Variants in MARCHF1 observed in about 807,000 individuals in gnomAD.
MARCHF1 encodes the protein membrane associated ring-CH-type finger 1, also known as E3 ubiquitin-protein ligase MARCHF1.
A neutral mutation model predicts 54.2 loss-of-function variants in MARCHF1; 40 were observed. The ratio of observed to expected loss-of-function variants is 0.74; its 90% CI spans 0.57 to 0.96. The LOEUF (loss-of-function observed/expected upper bound fraction) is 0.96. MARCHF1 is among the 40% of genes least tolerant of loss of function. MARCHF1 has a pLI of 0.00. For synonymous variants in MARCHF1, 236 were observed against 236.3 expected (o/e 1.00, Z 0.01); for missense variants, 586 against 656.5 (o/e 0.89, Z 1.17).
chr4:163,970,834 T>G (rs2110837964), intron 3 of MARCHF1, among the ~76,000 whole-genome samples: 1 of 152,296 alleles, frequency 6.6e-6, no homozygotes, highest in South Asian at 2.1e-4. Context: ...CATACCAATA[T>G]ATGCTCCAAA....
At chr4:163,931,964 G>A (rs1252785912) in intron 3 of MARCHF1, among the ~76,000 whole-genome samples, 2 of 152,094 alleles carry the variant, frequency 1.3e-5, no homozygotes, top group Admixed American at 6.5e-5. Context: ...TAACAATAAA[G>A]CTAATATTGC....
At chr4:163,702,077 G>T (rs550162897) in intron 4 of MARCHF1, among the ~76,000 whole-genome samples, 4 of 152,162 alleles carry the variant, frequency 2.6e-5, no homozygotes, top group African/African-American at 9.7e-5. Context: ...TCATGTGCAG[G>T]CTTACAGATA....
chr4:164,172,577 A>AT (rs954774277), intron 1 of MARCHF1, among the ~76,000 whole-genome samples: 1 of 152,232 alleles, frequency 6.6e-6, no homozygotes, highest in Non-Finnish European at 1.5e-5. Context: ...AAATTAAAGG[A>AT]TAAAAATCAA....
At chr4:164,036,787 G>T (rs1395199666) in intron 2 of MARCHF1, among the ~76,000 whole-genome samples, 1 of 151,956 alleles carries the variant, frequency 6.6e-6, no homozygotes, top group East Asian at 1.9e-4. Flanking sequence ...TTAAAAGGCC[G>T]TTGGTGAGAA....
At chr4:164,028,359 A>G (rs1303071274) in intron 2 of MARCHF1, among the ~76,000 whole-genome samples, 2 of 152,218 alleles carry the variant, frequency 1.3e-5, no homozygotes, top group Non-Finnish European at 2.9e-5. Flanking sequence ...AAGAAAATGC[A>G]GTACATACAC....
At chr4:163,714,103 G>A (rs983973461) in intron 4 of MARCHF1, among the ~76,000 whole-genome samples, 14 of 152,076 alleles carry the variant, frequency 9.2e-5, no homozygotes, top group Admixed American at 3.3e-4. Context: ...TTCTTTCACT[G>A]GGTTTTTAAT....
intron 4 of MARCHF1, among the ~76,000 whole-genome samples, chr4:163,754,950 T>C (rs1183346056): frequency 6.6e-6 from 1 of 152,012 alleles, no homozygotes; most frequent in Non-Finnish European, 1.5e-5. Flanking sequence ...GAACTGCAAT[T>C]TTGCCCCTAG....
intron 2 of MARCHF1, among the ~76,000 whole-genome samples, chr4:164,004,275 T>A (rs949550874): frequency 6.6e-6 from 1 of 150,692 alleles, no homozygotes; most frequent in Admixed American, 6.7e-5. Flanking sequence ...GTTCTGCACA[T>A]GTATCCCAGA....
intron 3 of MARCHF1, among the ~76,000 whole-genome samples, chr4:163,983,213 T>C (rs1183726375): frequency 6.6e-6 from 1 of 152,116 alleles, no homozygotes; most frequent in East Asian, 1.9e-4. Context: ...CAAGGGATAA[T>C]AGAAGAAAAT....
chr4:163,768,311 A>G (rs1747050876), intron 4 of MARCHF1, among the ~76,000 whole-genome samples: 1 of 152,186 alleles, frequency 6.6e-6, no homozygotes, highest in Non-Finnish European at 1.5e-5. Flanking sequence ...CAGAATTGCC[A>G]TTATAAAGGG....
At chr4:163,638,296 G>C (rs750662770) in intron 5 of MARCHF1, among the ~76,000 whole-genome samples, 65 of 151,878 alleles carry the variant, frequency 4.3e-4, no homozygotes, top group Non-Finnish European at 7.8e-4. Flanking sequence ...TTGGAGGTGG[G>C]GCTGGTGAAA....
intron 1 of MARCHF1, among the ~76,000 whole-genome samples, chr4:164,364,742 T>TA (rs941651769): frequency 4.6e-5 from 7 of 152,074 alleles, no homozygotes; most frequent in Admixed American, 3.3e-4. Context: ...TTAATCCTTT[T>TA]ATTCACCATT....
At chr4:163,977,208 C>T (rs1323836133) in intron 3 of MARCHF1, among the ~76,000 whole-genome samples, 1 of 151,894 alleles carries the variant, frequency 6.6e-6, no homozygotes, top group African/African-American at 2.4e-5. Context: ...CCACTTTTTA[C>T]TGTCATAATG....
Position 163,700,528 on chromosome 4 carries a change from A to AGAAGGAAGGAAGGAAG in MARCHF1, c.162+269_162+284dup, listed in dbSNP as rs57173687. 8.6e-4 allele frequency among the ~76,000 whole-genome samples: 98 copies of AGAAGGAAGGAAGGAAG among 114,568 alleles called. 2 individuals carry two copies. Among genetic ancestry groups the AGAAGGAAGGAAGGAAG allele is most frequent in the Non-Finnish European group, 1.1e-3 (62 of 55,662 alleles). The allele number at this position is 114,568 out of a possible 152,430, so 75.2% of individuals were successfully genotyped here. A position where few individuals can be genotyped will look rare whatever the true frequency, so the allele number is the denominator to read the frequency against. ...TAAAAAGATAGATAGAAAGAAAGAA[A>AGAAGGAAGGAAGGAAG]GAAGGAAGGAAGGAAGGAAGGAAGG... On this transcript the variant is annotated intron_variant, in intron 5 of 9. Transcript: ENST00000514618.
chr4:163,574,717 G>A (rs1739977663), intron 8 of MARCHF1, among the ~76,000 whole-genome samples: 2 of 152,110 alleles, frequency 1.3e-5, no homozygotes, highest in Admixed American at 1.3e-4. Context: ...GGTTAATGTA[G>A]CCTTGTAGTA....
At chr4:164,173,246 T>C (rs1012311546) in intron 1 of MARCHF1, among the ~76,000 whole-genome samples, 2 of 152,164 alleles carry the variant, frequency 1.3e-5, no homozygotes, top group African/African-American at 4.8e-5. Context: ...TGATGGCAAA[T>C]ATAATTTATT....
intron 1 of MARCHF1, among the ~76,000 whole-genome samples, chr4:164,237,043 A>T (rs76128953): frequency 0.02 from 3,066 of 152,272 alleles, 104 homozygotes; most frequent in African/African-American, 0.07. Context: ...TTCAAATCCA[A>T]CCACCTCTTT....
intron 1 of MARCHF1, among the ~76,000 whole-genome samples, chr4:164,369,713 C>A (rs1360539301): frequency 6.6e-6 from 1 of 151,916 alleles, no homozygotes; most frequent in African/African-American, 2.4e-5. Context: ...ATAATAGTAC[C>A]TCTACCATAA....
At chr4:163,917,767 T>G (rs1640388699) in intron 3 of MARCHF1, among the ~76,000 whole-genome samples, 1 of 152,076 alleles carries the variant, frequency 6.6e-6, no homozygotes, top group African/African-American at 2.4e-5. Flanking sequence ...CTTCCTGATA[T>G]TCTCTCTCTC....
Sources: gnomAD v4.1 joint callset for allele counts (sites outside exome capture counted in the v4.1 genomes callset) on GRCh38, gnomAD v4.1.1 for gene constraint, MANE v1.5 for transcripts, NCBI Gene and HGNC (gene_info 2026-07-23, HGNC 2026-07-21) for gene names.